Variants in SLC7A2 observed in about 807,000 individuals in gnomAD.
The protein encoded by SLC7A2 is solute carrier family 7 member 2, also known as cationic amino acid transporter 2.
SLC7A2 carries 48 observed loss-of-function variants against 58.9 expected under a neutral mutation model. The ratio of observed to expected loss-of-function variants is 0.82; its 90% CI spans 0.65 to 1.04. SLC7A2 has a LOEUF of 1.04. Ranked by LOEUF, SLC7A2 falls within the 50% of genes least tolerant of loss-of-function variation. SLC7A2 has a pLI of 0.00. For synonymous variants in SLC7A2, 363 were observed against 314.5 expected (o/e 1.15, Z -1.63); for missense variants, 1,029 against 818.8 (o/e 1.26, Z -3.13).
At chr8:17,559,344 G>A (rs993856602) in intron 9 of SLC7A2, among the ~76,000 whole-genome samples, 1 of 152,142 alleles carries the variant, frequency 6.6e-6, no homozygotes, top group Non-Finnish European at 1.5e-5. Context: ...AAATCTTGGT[G>A]GAAGGGGAAG....
At chr8:17,522,296 G>A (rs1315915653) in intron 2 of SLC7A2, among the ~76,000 whole-genome samples, 4 of 152,020 alleles carry the variant, frequency 2.6e-5, no homozygotes, top group Admixed American at 1.3e-4. Flanking sequence ...GAACAGTGTG[G>A]GGGAAACTAG....
intron 2 of SLC7A2, chr8:17,538,775 A>C (rs1308517670): frequency 1.2e-6 from 2 of 1,608,080 alleles, no homozygotes; most frequent in Non-Finnish European, 1.7e-6. Context: ...TTTTTCCATC[A>C]GTCCCAAAAC....
intron 5 of SLC7A2, 137 bp from the exon 6 acceptor site, chr8:17,550,162 TAA>T: frequency 1.3e-6 from 1 of 761,110 alleles, no homozygotes; most frequent in Non-Finnish European, 2.1e-6. Context: ...GGTGAGAGAG[TAA>T]AGTTTTAATT....
chr8:17,506,403 T>C (rs1800364787), intron 2 of SLC7A2, among the ~76,000 whole-genome samples: 1 of 152,206 alleles, frequency 6.6e-6, no homozygotes, highest in Non-Finnish European at 1.5e-5. Context: ...TGAGACACTG[T>C]TGTGGTAGTT....
upstream of SLC7A2, among the ~76,000 whole-genome samples, chr8:17,495,200 T>C (rs1345203153): frequency 6.6e-6 from 1 of 152,208 alleles, no homozygotes; most frequent in South Asian, 2.1e-4. Flanking sequence ...CCTCGCCTCC[T>C]CGAGTGCCAG....
chr8:17,531,657 A>G (rs1801455600), intron 2 of SLC7A2, among the ~76,000 whole-genome samples: 1 of 152,100 alleles, frequency 6.6e-6, no homozygotes, highest in African/African-American at 2.4e-5. Flanking sequence ...ATTCAGAATT[A>G]AAAATCAAAA....
chr8:17,554,607 C>A lies in SLC7A2; in HGVS notation c.1103C>A (p.Ala368Glu), dbSNP rs376240561. 1 of 1,612,990 alleles carries A rather than the reference C, an allele frequency of 6.2e-7. No homozygotes were observed. Among genetic ancestry groups the A allele is most frequent in the African/African-American group, 1.3e-5 (1 of 74,850 alleles). The change falls in exon 8 of 13, where the codon GCG (alanine) becomes GAG (glutamate). Residue 368 changes from alanine to glutamate, a missense_variant. Ala to Glu is a moderately radical substitution (Grantham distance 107). Coordinates refer to ENST00000494857, the MANE Select transcript of SLC7A2 (RefSeq NM_001370338.1). ...ATGCCTCGTGTAATCTATGCTATGGCGGAGGATGGGTTGCTTTTCAAATGT... is the reference window on the plus strand; with the variant it reads ...ATGCCTCGTGTAATCTATGCTATGGAGGAGGATGGGTTGCTTTTCAAATGT... ...FPMPRVIYAM[A>E]EDGLLFKCLA...
intron 12 of SLC7A2, among the ~76,000 whole-genome samples, 196 bp from the exon 13 acceptor site, chr8:17,564,754 T>A (rs529159392): frequency 4.3e-4 from 65 of 152,254 alleles, no homozygotes; most frequent in African/African-American, 1.5e-3. Flanking sequence ...TAGAGACTGC[T>A]TGCTCACTTC....
intron 1 of SLC7A2, chr8:17,498,929 G>T (rs1432417600): frequency 1.3e-5 from 2 of 152,206 alleles, no homozygotes; most frequent in Non-Finnish European, 2.9e-5. Flanking sequence ...ATCTTGCGCT[G>T]GAGTTTTTCA....
At position 17,550,207 on chromosome 8, in the gene SLC7A2, A is replaced by G. The variant is rs181953255; in HGVS notation, c.699-94A>G. On this transcript the variant is annotated intron_variant, in intron 5 of 12. Coordinates refer to ENST00000494857, the MANE Select transcript of SLC7A2 (RefSeq NM_001370338.1). The stretch of plus-strand genomic sequence containing the variant: ...TATCATCTTCAAAGAGCTAATAAAC[A>G]CAACCACCTTCCAAGGATATAGTCT... 8.9e-5 allele frequency: 106 copies of G among 1,192,644 alleles called. 1 individual carries two copies. The South Asian group carries it at 9.0e-4, about 10-fold the overall frequency. The allele number at this position is 1,192,644 out of a possible 1,614,324, so 73.9% of individuals were successfully genotyped here.
At chr8:17,546,487 T>C (rs1314609929) in intron 4 of SLC7A2, among the ~76,000 whole-genome samples, 3 of 152,226 alleles carry the variant, frequency 2.0e-5, no homozygotes, top group Non-Finnish European at 2.9e-5. Context: ...GAGATATTCA[T>C]TGGTGTCTAA....
chr8:17,530,828 C>T lies in SLC7A2; in HGVS notation c.-22-12490C>T, dbSNP rs181206394. Among the ~76,000 whole-genome samples the T allele has an allele frequency of 6.6e-5, 10 of 152,030 alleles. No homozygotes were observed. In the East Asian group the frequency reaches 1.9e-3, roughly 29 times the overall value. On this transcript the variant is annotated intron_variant, in intron 2 of 12. Transcript: ENST00000494857. ...CTCAAGTGATCCTCCTGCCTTGGCCCCCCAAAGTGCTGGTAGTACAGGTGT... is the reference window on the plus strand; with the variant it reads ...CTCAAGTGATCCTCCTGCCTTGGCCTCCCAAAGTGCTGGTAGTACAGGTGT...
chr8:17,528,302 C>T (rs1399531643), intron 2 of SLC7A2, among the ~76,000 whole-genome samples: 15 of 152,152 alleles, frequency 9.9e-5, no homozygotes, highest in African/African-American at 3.6e-4. Flanking sequence ...ATTTGCCTCC[C>T]TACATCTGGA....
chr8:17,549,244 C>T (rs966665473), intron 5 of SLC7A2, among the ~76,000 whole-genome samples: 1 of 152,204 alleles, frequency 6.6e-6, no homozygotes, highest in Admixed American at 6.5e-5. Context: ...TGGGTGGGGA[C>T]ACAGCCAAAC....
chr8:17,514,029 A>T (rs1328313693), intron 2 of SLC7A2, among the ~76,000 whole-genome samples: 2 of 152,198 alleles, frequency 1.3e-5, no homozygotes, highest in Admixed American at 6.5e-5. Context: ...AATAGCATGT[A>T]AATATCACTG....
chr8:17,550,855 A>G (rs921389436), intron 6 of SLC7A2, among the ~76,000 whole-genome samples: 13 of 152,170 alleles, frequency 8.5e-5, no homozygotes, highest in Admixed American at 3.9e-4. Context: ...AGTTCTTTCT[A>G]TGTTATCTTA....
intron 2 of SLC7A2, chr8:17,520,744 C>A: frequency 1.1e-6 from 1 of 938,822 alleles, no homozygotes; most frequent in Non-Finnish European, 1.3e-6. Context: ...ATGAGAAGGA[C>A]CTTGAGAGGA....
intron 2 of SLC7A2, among the ~76,000 whole-genome samples, chr8:17,507,520 A>G (rs907874947): frequency 6.6e-6 from 1 of 152,060 alleles, no homozygotes; most frequent in Non-Finnish European, 1.5e-5. Flanking sequence ...GGCCTTTTTA[A>G]ATTTTTTGAA....
chr8:17,564,799 T>C, intron 12 of SLC7A2, 151 bp from the exon 13 acceptor site: 1 of 617,684 alleles, frequency 1.6e-6, no homozygotes, highest in Non-Finnish European at 2.8e-6. Context: ...AATAGTGGTC[T>C]GTGGCCCAGG....
Sources: gnomAD v4.1 joint callset for allele counts (sites outside exome capture counted in the v4.1 genomes callset) on GRCh38, gnomAD v4.1.1 for gene constraint, MANE v1.5 for transcripts, NCBI Gene and HGNC (gene_info 2026-07-23, HGNC 2026-07-21) for gene names.